The following KMT5C variants were observed in gnomAD, a reference collection of about 807,000 sequenced individuals.
The protein encoded by KMT5C is lysine methyltransferase 5C.
KMT5C carries 16 observed loss-of-function variants against 38.2 expected under a neutral mutation model. The observed-to-expected ratio is 0.42, with a 90% confidence interval of 0.28 to 0.64. KMT5C has a LOEUF of 0.64. Among genes scored for constraint, KMT5C ranks in the 30% least tolerant of loss-of-function variants. The pLI is 0.23. For missense variants in KMT5C, 598 were observed against 665.1 expected, an observed-to-expected ratio of 0.90 and a Z score of 1.11; for synonymous variants, 291 against 279.0, an observed-to-expected ratio of 1.04 and a Z score of -0.43.
rs1225483205 is a variant in KMT5C at position 55,343,568 on chromosome 19, G to A, written c.387-112G>A. ...GATGGATCGCCAATAGCCAGCACCAGCGCCCAGGAGTCCCTCCTTCCTGGG... is the reference window on the plus strand; with the variant it reads ...GATGGATCGCCAATAGCCAGCACCAACGCCCAGGAGTCCCTCCTTCCTGGG... On this transcript the variant is annotated intron_variant, in intron 4 of 8. Coordinates refer to ENST00000255613, the MANE Select transcript of KMT5C (RefSeq NM_032701.4). This position sits in a 1 kb window ranked among gnomAD's most constrained non-coding sequence, Gnocchi z 5.5. 11 of 1,030,922 alleles carry A rather than the reference G, an allele frequency of 1.1e-5. No individual in the cohort carries two copies. The highest frequency in any genetic ancestry group is 3.1e-4 in the Middle Eastern group (1 of 3,176). 63.9% of individuals were successfully genotyped at this position (1,030,922 alleles called of 1,614,324 possible). A position where few individuals can be genotyped will look rare whatever the true frequency, so the allele number is the denominator to read the frequency against.
At chr19:55,342,993 C>T in intron 4 of KMT5C, 142 bp downstream of exon 4, 1 of 641,324 alleles carries the variant, frequency 1.6e-6, no homozygotes. Context: ...GGTGGTGGGG[C>T]TAATCCCGGA....
chr19:55,342,514 A>G, intron 3 of KMT5C, 134 bp downstream of exon 3: 1 of 710,090 alleles, frequency 1.4e-6, no homozygotes, highest in Non-Finnish European at 2.3e-6. Context: ...CCTTGGGACC[A>G]TCTGAGGCAA....
intron 6 of KMT5C, chr19:55,344,501 G>A: frequency 2.8e-6 from 1 of 361,430 alleles, no homozygotes; most frequent in South Asian, 2.1e-5. Context: ...GCGTTGCCCG[G>A]CTGTTTGTGC....
At chr19:55,344,611 G>A in intron 6 of KMT5C, 1 of 471,564 alleles carries the variant, frequency 2.1e-6, no homozygotes, top group Non-Finnish European at 4.4e-6. Flanking sequence ...TGGCAGGGAG[G>A]CAGGGCCCTG....
intron 6 of KMT5C, chr19:55,345,123 G>C (rs188917362): frequency 2.2e-6 from 1 of 453,170 alleles, no homozygotes; most frequent in South Asian, 1.6e-5. Flanking sequence ...TTGAGCACAC[G>C]AGAGGGCGGC....
At chr19:55,345,047 T>G (rs931404618) in intron 6 of KMT5C, 2 of 455,686 alleles carry the variant, frequency 4.4e-6, no homozygotes, top group Non-Finnish European at 8.8e-6. Flanking sequence ...ACACAGACGC[T>G]GGGGGGGATG....
In KMT5C at chr19:55,341,617, T is replaced by C. The variant is rs984752880; in HGVS notation, c.-143-177T>C. 2.8e-5 allele frequency: 11 copies of C among 397,510 alleles called. No individual in the cohort carries two copies. The Admixed American group carries it at 4.5e-4, about 16-fold the overall frequency. The allele number at this position is 397,510 out of a possible 1,614,324, so 24.6% of individuals were successfully genotyped here. A position where few individuals can be genotyped will look rare whatever the true frequency, so the allele number is the denominator to read the frequency against. ...GTGTCAGTCTGAGTGTGCATGGGTG[T>C]GCATGTGGGGGTTGTGTGTTTAGGG... On this transcript the variant is annotated intron_variant, in intron 1 of 8. Transcript: ENST00000255613.
At chr19:55,341,578 A>G (rs1366583636) in intron 1 of KMT5C, 1 of 297,830 alleles carries the variant, frequency 3.4e-6, no homozygotes, top group East Asian at 8.9e-5. Context: ...ACATATGGGC[A>G]GGGGCATCTG....
chr19:55,340,999 C>T (rs1280873070), intron 1 of KMT5C, among the ~76,000 whole-genome samples: 1 of 152,156 alleles, frequency 6.6e-6, no homozygotes, highest in Non-Finnish European at 1.5e-5. Flanking sequence ...CTCTGCAGCT[C>T]CCGCTCCTTG....
intron 6 of KMT5C, chr19:55,345,962 CAGA>C (rs1336840858): frequency 9.1e-6 from 5 of 551,410 alleles, no homozygotes; most frequent in East Asian, 3.1e-5. Context: ...TGCACGCTGC[CAGA>C]AGGTCAGGTT....
intron 7 of KMT5C, 25 bp downstream of exon 7, chr19:55,346,374 G>C (rs773880549): frequency 6.2e-7 from 1 of 1,613,708 alleles, no homozygotes; most frequent in Non-Finnish European, 8.5e-7. Flanking sequence ...GAGGCGGCTG[G>C]GTTCGGGTCG....
Position 55,343,565 on chromosome 19 carries a change from C to A in KMT5C, c.387-115C>A, listed in dbSNP as rs2089584599. The A allele has an allele frequency of 6.0e-6, 6 of 1,005,414 alleles. No individual in the cohort carries two copies. In the East Asian group the frequency reaches 1.3e-4, roughly 22 times the overall value. The allele number at this position is 1,005,414 out of a possible 1,614,324, so 62.3% of individuals were successfully genotyped here. On this transcript the variant is annotated intron_variant, in intron 4 of 8. Coordinates refer to ENST00000255613, the MANE Select transcript of KMT5C (RefSeq NM_032701.4). The surrounding 1 kb of genome is among the most constrained non-coding windows in gnomAD (Gnocchi z 5.5). Reference sequence around the variant, plus strand: ...GAAGATGGATCGCCAATAGCCAGCACCAGCGCCCAGGAGTCCCTCCTTCCT... The same window carrying A: ...GAAGATGGATCGCCAATAGCCAGCAACAGCGCCCAGGAGTCCCTCCTTCCT...
intron 1 of KMT5C, among the ~76,000 whole-genome samples, chr19:55,340,560 TC>T (rs1321034397): frequency 6.6e-6 from 1 of 151,158 alleles, no homozygotes; most frequent in African/African-American, 2.4e-5. Flanking sequence ...CCTCCCTGGG[TC>T]CCCAGGCCCT....
At chr19:55,342,141 C>T in intron 2 of KMT5C, 74 bp from the exon 3 acceptor site, 1 of 1,583,998 alleles carries the variant, frequency 6.3e-7, no homozygotes, top group East Asian at 2.3e-5. Flanking sequence ...GCCTGGTCCT[C>T]CCCTCAGCTC....
At position 55,347,305 on chromosome 19, in the gene KMT5C, TACCCCAGCCCCTGCTGGG is replaced by T. The variant is rs780115640; in HGVS notation, c.1253_1270del (p.Ala418_Pro423del). 63 of 1,570,912 alleles carry T rather than the reference TACCCCAGCCCCTGCTGGG, an allele frequency of 4.0e-5. No homozygotes were observed. The highest frequency in any genetic ancestry group is 3.3e-4 in the Middle Eastern group (2 of 6,036). Reference sequence around the variant, plus strand: ...GTCGCCTGGCCCCAGCCCCACCAGCTACCCCAGCCCCTGCTGGGACCCCAGGCCCCATCCTGATCCCGA... The same window carrying T: ...GTCGCCTGGCCCCAGCCCCACCAGCTACCCCAGGCCCCATCCTGATCCCGA... On this transcript the variant is annotated inframe_deletion, in exon 9 of 9. Coordinates refer to ENST00000255613, the MANE Select transcript of KMT5C (RefSeq NM_032701.4). This position sits in a 1 kb window ranked among gnomAD's most constrained non-coding sequence, Gnocchi z 4.6.
At position 55,347,208 on chromosome 19, in the gene KMT5C, G is replaced by A. The variant is rs375364241; in HGVS notation, c.1148G>A (p.Arg383His). 141 of 1,539,608 alleles carry A rather than the reference G, an allele frequency of 9.2e-5. No homozygotes were observed. Among genetic ancestry groups the A allele is most frequent in the Non-Finnish European group, 1.2e-4 (134 of 1,146,952 alleles). Reference protein sequence around the residue: ...LVALGQPPHARWAPQQDWHWA... With the variant: ...LVALGQPPHAHWAPQQDWHWA... ...GCCCTGGGCCAGCCCCCCCACGCCC[G>A]CTGGGCCCCTCAGCAGGACTGGCAC... Residue 383 changes from arginine (R) to histidine (H), a missense_variant, in exon 9 of 9, where the codon CGC becomes CAC. Arg to His is a conservative substitution (Grantham distance 29). This residue lies in a region of KMT5C where 326 missense variants were observed against 298.1 expected (regional missense o/e 1.09). Coordinates refer to ENST00000255613, the MANE Select transcript of KMT5C (RefSeq NM_032701.4). The surrounding 1 kb of genome is among the most constrained non-coding windows in gnomAD (Gnocchi z 4.6).
Position 55,341,816 on chromosome 19 carries a change from C to T in KMT5C, c.-121C>T. 2.7e-6 allele frequency: 2 copies of T among 734,282 alleles called. No individual in the cohort carries two copies. Among genetic ancestry groups the T allele is most frequent in the Non-Finnish European group, 4.8e-6 (2 of 418,932 alleles). The allele number at this position is 734,282 out of a possible 1,614,324, so 45.5% of individuals were successfully genotyped here. On this transcript the variant is annotated 5_prime_UTR_variant, in exon 2 of 9. Transcript: ENST00000255613. Reference sequence around the variant, plus strand: ...CAGATGAGATCGTGGGGCTCACCAGCGTCCCCCATGGCTTCTGAGTAGCGT... The same window carrying T: ...CAGATGAGATCGTGGGGCTCACCAGTGTCCCCCATGGCTTCTGAGTAGCGT...
chr19:55,342,029 C>T lies in KMT5C; in HGVS notation c.93C>T (p.Thr31=), dbSNP rs372297734. 9 of 1,613,430 alleles carry T rather than the reference C, an allele frequency of 5.6e-6. No homozygotes were observed. The highest frequency in any genetic ancestry group is 3.3e-5 in the Admixed American group (2 of 60,004). The part of the protein sequence containing the change: ...LVLDPYLGFR[T]HKMNVSPVPP... ...TGGACCCCTACCTCGGTTTCCGCAC[C>T]CATAAGATGAACGTCAGGTGAGGTG... Residue 31 remains threonine, a synonymous_variant, in exon 2 of 9, where the codon ACC becomes ACT. Transcript: ENST00000255613.
rs758707505 is a variant in KMT5C at position 55,347,082 on chromosome 19, G to A, written c.1022G>A (p.Arg341Gln). 1.1e-5 allele frequency: 18 copies of A among 1,572,210 alleles called. No homozygotes were observed. Among genetic ancestry groups the A allele is most frequent in the African/African-American group, 2.7e-5 (2 of 73,978 alleles). Reference sequence around the variant, plus strand: ...CGGAAGCGCCGACGCCCCCGGCCCCGGAGGGCCCCAGTGCTCTCCACCCAC... The same window carrying A: ...CGGAAGCGCCGACGCCCCCGGCCCCAGAGGGCCCCAGTGCTCTCCACCCAC... Reference protein sequence around the residue: ...RPRKRRRPRPRRAPVLSTHHA... With the variant: ...RPRKRRRPRPQRAPVLSTHHA... The change falls in exon 9 of 9, where the codon CGG becomes CAG. Residue 341 changes from arginine (R) to glutamine (Q), a missense_variant. By Grantham distance (43) the Arg-to-Gln change is conservative (BLOSUM62 1). Coordinates refer to ENST00000255613, the MANE Select transcript of KMT5C (RefSeq NM_032701.4). The surrounding 1 kb of genome is among the most constrained non-coding windows in gnomAD (Gnocchi z 4.6).
Sources: allele counts gnomAD v4.1 joint callset (sites outside exome capture counted in the v4.1 genomes callset), GRCh38; gene constraint gnomAD v4.1.1; regional missense constraint gnomAD v4.1.1; non-coding constraint Gnocchi (gnomAD v3.1); transcripts MANE v1.5; gene names NCBI Gene and HGNC (gene_info 2026-07-23, HGNC 2026-07-21).